The following CSF1 variants were observed in gnomAD, a reference collection of about 807,000 sequenced individuals.
The protein encoded by CSF1 is macrophage colony-stimulating factor 1.
CSF1 carries 9 observed loss-of-function variants against 48.9 expected under a neutral mutation model. That is an observed-to-expected ratio of 0.18 (90% CI 0.11 to 0.32). CSF1 has a LOEUF of 0.32. CSF1 is among the 10% of genes least tolerant of loss of function. CSF1 has a pLI of 1.00. For missense variants in CSF1, 672 were observed against 697.9 expected (o/e 0.96, Z 0.42); for synonymous variants, 305 against 284.1 (o/e 1.07, Z -0.74).
At chr1:109,915,007 TG>T (rs1557732108) in intron 2 of CSF1, among the ~76,000 whole-genome samples, 1 of 152,264 alleles carries the variant, frequency 6.6e-6, no homozygotes, top group Non-Finnish European at 1.5e-5. Flanking sequence ...TCCTGCTCAG[TG>T]GGAATTTACC....
intron 3 of CSF1, among the ~76,000 whole-genome samples, chr1:109,916,574 C>A (rs1053408964): frequency 1.3e-5 from 2 of 152,188 alleles, no homozygotes; most frequent in Non-Finnish European, 2.9e-5. Flanking sequence ...ATCATTATTC[C>A]ACATCTATTC....
intron 1 of CSF1, among the ~76,000 whole-genome samples, chr1:109,913,025 G>A (rs982156103): frequency 6.6e-6 from 1 of 152,212 alleles, no homozygotes; most frequent in South Asian, 2.1e-4. Flanking sequence ...GCCTCACTGA[G>A]GTCCCTGCTC....
At chr1:109,914,475 G>A in intron 2 of CSF1, 94 bp downstream of exon 2, 1 of 1,430,564 alleles carries the variant, frequency 7.0e-7, no homozygotes, top group South Asian at 1.5e-5. Context: ...GTTGCAGGCA[G>A]GAAAATAGGG....
At chr1:109,913,005 A>G (rs1473771802) in intron 1 of CSF1, among the ~76,000 whole-genome samples, 1 of 151,674 alleles carries the variant, frequency 6.6e-6, no homozygotes, top group Admixed American at 6.6e-5. Flanking sequence ...CCTTCTCCCC[A>G]TCTTTCAAGG....
Position 109,923,611 on chromosome 1 carries a change from G to A in CSF1, c.990G>A (p.Gly330=). ...AGCTTTCCCCCTCCAGGCCAGGAGG[G>A]GGCAGCATGCAGACAGAGCCCGCCA... ...GTELSPSRPG[G]GSMQTEPARP... Residue 330 remains glycine (G), a synonymous_variant, in exon 6 of 9, where the codon GGG becomes GGA. Coordinates refer to ENST00000329608, the MANE Select transcript of CSF1 (RefSeq NM_000757.6). 1 of 1,614,150 alleles carries A rather than the reference G, an allele frequency of 6.2e-7. No individual in the cohort carries two copies. Among genetic ancestry groups the A allele is most frequent in the South Asian group, 1.1e-5 (1 of 91,088 alleles).
chr1:109,924,318 C>A, intron 6 of CSF1, 128 bp downstream of exon 6: 1 of 777,324 alleles, frequency 1.3e-6, no homozygotes, highest in Non-Finnish European at 2.0e-6. Flanking sequence ...TAGGGGCTGG[C>A]TCAGCACAGA....
At chr1:109,916,170 C>T (rs896395908) in intron 3 of CSF1, among the ~76,000 whole-genome samples, 4 of 152,176 alleles carry the variant, frequency 2.6e-5, no homozygotes, top group Non-Finnish European at 5.9e-5. Context: ...ACTTGCCCCA[C>T]ACCCAACCAG....
In CSF1 at chr1:109,911,528, T is replaced by C. The variant is rs534972083; in HGVS notation, c.39+466T>C. On this transcript the variant is annotated intron_variant, in intron 1 of 8. Coordinates refer to ENST00000329608, the MANE Select transcript of CSF1 (RefSeq NM_000757.6). The stretch of plus-strand genomic sequence containing the variant: ...TTCTGGGCAGGGAAAGTTCAGGGGG[T>C]CAACCAGCTTATAGAACGCCAGGGA... Among the ~76,000 whole-genome samples, 11 of 151,930 alleles carry C rather than the reference T, an allele frequency of 7.2e-5. 1 individual carries two copies. In the South Asian group the frequency reaches 1.9e-3, roughly 26 times the overall value.
chr1:109,914,384 G>A lies in CSF1; in HGVS notation c.162+3G>A, dbSNP rs769581481. 5.6e-6 allele frequency: 9 copies of A among 1,596,494 alleles called. No homozygotes were observed. The highest frequency in any genetic ancestry group is 2.3e-5 in the South Asian group (2 of 86,830). On this transcript the variant is annotated splice_donor_region_variant and intron_variant, in intron 2 of 8. Coordinates refer to ENST00000329608, the MANE Select transcript of CSF1 (RefSeq NM_000757.6). ...ACCTGCAGTCTCTGCAGCGGCTGGT[G>A]AGTGTGTGGCCATGCTGTATTCTAC... is the stretch of plus-strand genomic sequence containing the variant.
chr1:109,924,531 C>A (rs757604695), intron 6 of CSF1, among the ~76,000 whole-genome samples: 51 of 152,008 alleles, frequency 3.4e-4, no homozygotes, highest in Admixed American at 4.6e-4. Context: ...GGAAGCTCTG[C>A]AGAGCCTGGG....
intron 1 of CSF1, 85 bp downstream of exon 1, chr1:109,911,147 C>T (rs1207336951): frequency 1.1e-6 from 1 of 872,608 alleles, no homozygotes; most frequent in Admixed American, 6.1e-5. Flanking sequence ...CCCTCGGAGC[C>T]GACAGCCTGG....
chr1:109,923,867 C>A lies in CSF1; in HGVS notation c.1246C>A (p.Pro416Thr), dbSNP rs780842057. Residue 416 changes from proline to threonine, a missense_variant, in exon 6 of 9, where the codon CCC (proline) becomes ACC (threonine). Coordinates refer to ENST00000329608, the MANE Select transcript of CSF1 (RefSeq NM_000757.6). Reference protein sequence around the residue: ...SSLRPQGLSNPSTLSAQPQLS... With the variant: ...SSLRPQGLSNTSTLSAQPQLS... ...ACTGCGCCCCCAGGGCCTCAGCAAC[C>A]CCTCCACCCTCTCTGCTCAGCCACA... 1.2e-6 allele frequency: 2 copies of A among 1,614,030 alleles called. No individual in the cohort carries two copies. Among genetic ancestry groups the A allele is most frequent in the East Asian group, 4.5e-5 (2 of 44,876 alleles).
In CSF1 at chr1:109,917,381, A is replaced by G; in HGVS notation, c.314A>G (p.Asn105Ser). The G allele has an allele frequency of 6.2e-7, 1 of 1,614,166 alleles. No individual in the cohort carries two copies. The part of the protein sequence containing the change: ...DTMRFRDNTP[N>S]AIAIVQLQEL... ...ATGCGCTTCAGAGATAACACCCCCA[A>G]TGCCATCGCCATTGTGCAGCTGCAG... The change falls in exon 4 of 9, where the codon AAT becomes AGT. Residue 105 changes from asparagine to serine, a missense_variant. Transcript: ENST00000329608.
At chr1:109,920,362 G>T (rs573062539) in intron 4 of CSF1, among the ~76,000 whole-genome samples, 1 of 150,744 alleles carries the variant, frequency 6.6e-6, no homozygotes, top group South Asian at 2.1e-4. Flanking sequence ...TTGCCTCCCG[G>T]GTTCAAGCAA....
At chr1:109,922,123 T>A in intron 5 of CSF1, 129 bp downstream of exon 5, 2 of 1,079,758 alleles carry the variant, frequency 1.9e-6, no homozygotes. Context: ...CCCGTGTGCA[T>A]GAATGTGCTT....
chr1:109,924,857 G>T (rs966194235), intron 7 of CSF1, 29 bp downstream of exon 7: 31 of 1,597,562 alleles, frequency 1.9e-5, no homozygotes, highest in African/African-American at 5.4e-5. Context: ...GCTCTGGGAG[G>T]CACTGGGGGC....
At position 109,921,756 on chromosome 1, in the gene CSF1, A is replaced by G. The variant is rs1209242843; in HGVS notation, c.397-91A>G. 19 of 1,417,480 alleles carry G rather than the reference A, an allele frequency of 1.3e-5. No homozygotes were observed. The East Asian group carries it at 4.0e-4, about 30-fold the overall frequency. The allele number at this position is 1,417,480 out of a possible 1,614,324, so 87.8% of individuals were successfully genotyped here. On this transcript the variant is annotated intron_variant, in intron 4 of 8. Coordinates refer to ENST00000329608, the MANE Select transcript of CSF1 (RefSeq NM_000757.6). Reference sequence around the variant, plus strand: ...GAAACAAAAGGGAAAAAGAAGACAGATGTGAGAAAGGCCAAGGGAATTTGA... The same window carrying G: ...GAAACAAAAGGGAAAAAGAAGACAGGTGTGAGAAAGGCCAAGGGAATTTGA...
At chr1:109,916,392 G>T (rs973381388) in intron 3 of CSF1, among the ~76,000 whole-genome samples, 1 of 151,976 alleles carries the variant, frequency 6.6e-6, no homozygotes, top group Admixed American at 6.6e-5. Flanking sequence ...AAACATCAGG[G>T]CCCCCATCAC....
At position 109,925,531 on chromosome 1, in the gene CSF1, C is replaced by T. The variant is rs577356482; in HGVS notation, c.*13+329C>T. On this transcript the variant is annotated intron_variant, in intron 8 of 8. Coordinates refer to ENST00000329608, the MANE Select transcript of CSF1 (RefSeq NM_000757.6). ...GTGGCCTTTATAAGGTCTTTACCCT[C>T]CTGGAGAATCTTCAGTAGCTCTGTG... Among the ~76,000 whole-genome samples, 5 of 152,308 alleles carry T rather than the reference C, an allele frequency of 3.3e-5. No homozygotes were observed. In the South Asian group the frequency reaches 1.0e-3, roughly 32 times the overall value.
Sources: gnomAD v4.1 joint callset for allele counts (sites outside exome capture counted in the v4.1 genomes callset) on GRCh38, gnomAD v4.1.1 for gene constraint, MANE v1.5 for transcripts, NCBI Gene and HGNC (gene_info 2026-07-23, HGNC 2026-07-21) for gene names.